Variants in LRP6 observed in about 807,000 individuals in gnomAD.
LRP6 encodes LDL receptor related protein 6.
A neutral mutation model predicts 184.1 loss-of-function variants in LRP6; 43 were observed. The observed-to-expected ratio is 0.23, with a 90% confidence interval of 0.18 to 0.30. The LOEUF is 0.30. Among genes scored for constraint, LRP6 ranks in the 10% least tolerant of loss-of-function variants. The pLI, the probability that LRP6 is intolerant of heterozygous loss-of-function variation, is 1.00. For missense variants in LRP6, 1,571 were observed against 2,005.3 expected, an observed-to-expected ratio of 0.78 and a Z score of 4.14; for synonymous variants, 719 against 684.9, an observed-to-expected ratio of 1.05 and a Z score of -0.78.
rs559547803 is a variant in LRP6, at chr12:12,242,747, G to A, written c.449+1515C>T. Among the ~76,000 whole-genome samples the A allele has an allele frequency of 4.6e-5, 7 of 152,248 alleles. No homozygotes were observed. In the South Asian group the frequency reaches 8.3e-4, roughly 18 times the overall value. On this transcript the variant is annotated intron_variant, in intron 2 of 22. Coordinates refer to ENST00000261349, the MANE Select transcript of LRP6 (RefSeq NM_002336.3). ...AGCACCATCTTGCTTCAACAAACAC[G>A]TTTTAATTTCACTCTAAAAAATACA...
intron 2 of LRP6, among the ~76,000 whole-genome samples, chr12:12,243,377 C>T (rs1865110076): frequency 6.6e-6 from 1 of 152,132 alleles, no homozygotes; most frequent in South Asian, 2.1e-4. Context: ...TCAATACTGA[C>T]ATTAAATAAC....
intron 1 of LRP6, among the ~76,000 whole-genome samples, chr12:12,247,575 G>A (rs1865219282): frequency 1.3e-5 from 2 of 152,160 alleles, no homozygotes; most frequent in African/African-American, 4.8e-5. Flanking sequence ...TAAATCTGCT[G>A]CACATAAACC....
intron 15 of LRP6, among the ~76,000 whole-genome samples, chr12:12,141,493 A>C (rs1252835669): frequency 6.6e-6 from 1 of 152,192 alleles, no homozygotes; most frequent in Non-Finnish European, 1.5e-5. Flanking sequence ...AAGATCAAGA[A>C]TTTTAACCTT....
chr12:12,233,174 G>GA (rs947551515), intron 2 of LRP6, among the ~76,000 whole-genome samples: 7 of 151,502 alleles, frequency 4.6e-5, no homozygotes, highest in African/African-American at 7.3e-5. Flanking sequence ...TAATTTGTTA[G>GA]AAAAAAAAAT....
chr12:12,167,133 T>A (rs1862899445), intron 7 of LRP6, among the ~76,000 whole-genome samples: 1 of 152,040 alleles, frequency 6.6e-6, no homozygotes, highest in Non-Finnish European at 1.5e-5. Flanking sequence ...AAGAATGAAA[T>A]TAAAAATCAT....
intron 17 of LRP6, among the ~76,000 whole-genome samples, chr12:12,133,910 A>G (rs1311445183): frequency 6.7e-6 from 1 of 148,440 alleles, no homozygotes; most frequent in Non-Finnish European, 1.5e-5. Context: ...TTTAAAGTGC[A>G]TAGCTCAATG....
chr12:12,164,450 C>T lies in LRP6; in HGVS notation c.1875G>A (p.Lys625=). 1.2e-6 allele frequency: 2 copies of T among 1,614,122 alleles called. No individual in the cohort carries two copies. Among genetic ancestry groups the T allele is most frequent in the South Asian group, 1.1e-5 (1 of 91,076 alleles). The stretch of plus-strand genomic sequence containing the variant: ...GGAAAGCCTCTGGGACAATGCAGGT[C>T]TTCATGTCACTGATGAGTTCAAAGC... The part of the protein sequence containing the change: ...PIGFELISDM[K]TCIVPEAFLL... The change falls in exon 9 of 23, where the codon AAG becomes AAA. Residue 625 remains lysine, a synonymous_variant. Transcript: ENST00000261349.
At position 12,120,031 on chromosome 12, in the gene LRP6, A is replaced by G. The variant is rs1251893829; in HGVS notation, c.*1095T>C. 2 of 118,354 alleles carry G rather than the reference A, an allele frequency of 1.7e-5. No homozygotes were observed. The highest frequency in any genetic ancestry group is 2.6e-4 in the South Asian group (1 of 3,872). 7.3% of individuals were successfully genotyped at this position (118,354 alleles called of 1,614,324 possible). The stretch of plus-strand genomic sequence containing the variant: ...TATATATATATATATATATATATAT[A>G]TATATATATATAAATGATTTCGTAC... On this transcript the variant is annotated 3_prime_UTR_variant, in exon 23 of 23. Coordinates refer to ENST00000261349, the MANE Select transcript of LRP6 (RefSeq NM_002336.3).
intron 18 of LRP6, among the ~76,000 whole-genome samples, chr12:12,131,097 A>ATTTTTTTTTTTTTTTT (rs35705276): frequency 2.6e-5 from 2 of 78,150 alleles, no homozygotes; most frequent in African/African-American, 8.0e-5. Context: ...ATTTCCTAAC[A>ATTTTTTTTTTTTTTTT]TTTTTTTTTT....
At chr12:12,218,294 G>A (rs190835051) in intron 2 of LRP6, among the ~76,000 whole-genome samples, 30 of 152,030 alleles carry the variant, frequency 2.0e-4, no homozygotes, top group African/African-American at 7.0e-4. Flanking sequence ...GCAACATAAC[G>A]AGAACCCCCA....
Position 12,119,991 on chromosome 12 carries a change from A to ATATATT in LRP6, c.*1134_*1135insAATATA, listed in dbSNP as rs1949576770. ...CTCAGAAAACAAACAAACAAACAAAATATATATATATATATATATATATAT... is the reference window on the plus strand; with the variant it reads ...CTCAGAAAACAAACAAACAAACAAAATATATTTATATATATATATATATATATATAT... On this transcript the variant is annotated 3_prime_UTR_variant, in exon 23 of 23. Coordinates refer to ENST00000261349, the MANE Select transcript of LRP6 (RefSeq NM_002336.3). 9.3e-4 allele frequency: 3 copies of ATATATT among 3,234 alleles called. 1 individual carries two copies. Among genetic ancestry groups the ATATATT allele is most frequent in the African/African-American group, 2.7e-3 (3 of 1,118 alleles). 0.2% of individuals were successfully genotyped at this position (3,234 alleles called of 1,614,324 possible). A position where few individuals can be genotyped will look rare whatever the true frequency, so the allele number is the denominator to read the frequency against.
intron 10 of LRP6, among the ~76,000 whole-genome samples, chr12:12,160,645 A>AT (rs1379389210): frequency 6.6e-6 from 1 of 152,224 alleles, no homozygotes; most frequent in Admixed American, 6.5e-5. Flanking sequence ...GTTATTTTCC[A>AT]TTTTTGAGTT....
chr12:12,124,806 A>G, intron 21 of LRP6, 144 bp from the exon 22 acceptor site: 1 of 632,504 alleles, frequency 1.6e-6, no homozygotes, highest in African/African-American at 1.8e-5. Context: ...AATTGACCTC[A>G]AACAGTACTT....
At chr12:12,230,655 C>A (rs1864759736) in intron 2 of LRP6, among the ~76,000 whole-genome samples, 1 of 152,070 alleles carries the variant, frequency 6.6e-6, no homozygotes, top group African/African-American at 2.4e-5. Context: ...GCACATGGTA[C>A]ATGAAAGAAT....
At chr12:12,226,673 T>G (rs2135882045) in intron 2 of LRP6, 1 of 152,364 alleles carries the variant, frequency 6.6e-6, no homozygotes, top group Non-Finnish European at 1.5e-5. Flanking sequence ...ATCTAAGAAC[T>G]GCGTTCAGTT....
At chr12:12,211,447 AAG>A (rs1183400296) in intron 2 of LRP6, among the ~76,000 whole-genome samples, 2 of 152,208 alleles carry the variant, frequency 1.3e-5, no homozygotes, top group African/African-American at 2.4e-5. Context: ...GTCTCAAAAA[AAG>A]AGAGTCTGGA....
chr12:12,169,658 G>C (rs1862979755), intron 7 of LRP6, among the ~76,000 whole-genome samples: 1 of 152,210 alleles, frequency 6.6e-6, no homozygotes. Flanking sequence ...ACTCAAAATA[G>C]TTCCTGAGAA....
chr12:12,229,851 T>G (rs2135888899), intron 2 of LRP6, among the ~76,000 whole-genome samples: 1 of 152,350 alleles, frequency 6.6e-6, no homozygotes, highest in South Asian at 2.1e-4. Flanking sequence ...TCTAATTTAT[T>G]TTGGCCTCAA....
At chr12:12,167,038 G>C (rs962599521) in intron 7 of LRP6, among the ~76,000 whole-genome samples, 1 of 152,164 alleles carries the variant, frequency 6.6e-6, no homozygotes, top group Non-Finnish European at 1.5e-5. Flanking sequence ...GTTTGAGGCT[G>C]CAGTGAGCTA....
Sources: allele counts gnomAD v4.1 joint callset (sites outside exome capture counted in the v4.1 genomes callset), GRCh38; gene constraint gnomAD v4.1.1; transcripts MANE v1.5; gene names NCBI Gene and HGNC (gene_info 2026-07-23, HGNC 2026-07-21).